Variants in NRG3 observed in about 807,000 individuals in gnomAD.
The protein encoded by NRG3 is pro-neuregulin-3, membrane-bound isoform.
Under a neutral mutation model 66.9 loss-of-function variants are expected in NRG3, and 31 were observed. The ratio of observed to expected loss-of-function variants is 0.46; its 90% CI spans 0.35 to 0.63. The LOEUF (loss-of-function observed/expected upper bound fraction) is 0.63, where lower values mean the gene tolerates loss of function less well. Among genes scored for constraint, NRG3 ranks in the 20% least tolerant of loss-of-function variants. NRG3 has a pLI of 0.00. For synonymous variants in NRG3, 393 were observed against 359.4 expected (o/e 1.09, Z -1.06); for missense variants, 910 against 878.9 (o/e 1.04, Z -0.45).
At chr10:82,965,704 C>G (rs1251309258) in intron 6 of NRG3, among the ~76,000 whole-genome samples, 1 of 152,120 alleles carries the variant, frequency 6.6e-6, no homozygotes, top group Non-Finnish European at 1.5e-5. Flanking sequence ...ACACTGCACT[C>G]CAGCCTGGGC....
intron 4 of NRG3, among the ~76,000 whole-genome samples, chr10:82,872,406 C>T (rs904822344): frequency 6.6e-6 from 1 of 152,064 alleles, no homozygotes. Flanking sequence ...CTGAAGCACA[C>T]GTCTTCTTCC....
intron 1 of NRG3, among the ~76,000 whole-genome samples, chr10:82,149,048 G>GT (rs200390784): frequency 1.6e-4 from 18 of 114,308 alleles, no homozygotes; most frequent in African/African-American, 5.8e-4. Flanking sequence ...TCACATTCCT[G>GT]TTTTTTTGTT....
At chr10:82,391,871 C>T (rs1482734574) in intron 2 of NRG3, among the ~76,000 whole-genome samples, 3 of 151,946 alleles carry the variant, frequency 2.0e-5, no homozygotes, top group Admixed American at 6.6e-5. Context: ...GCCATACAAT[C>T]TTCAGATTGT....
At chr10:82,332,699 A>T (rs935807625) in intron 1 of NRG3, among the ~76,000 whole-genome samples, 7 of 152,214 alleles carry the variant, frequency 4.6e-5, no homozygotes, top group African/African-American at 1.4e-4. Context: ...CTGGCATGAG[A>T]TCAATATCAA....
At chr10:82,854,243 A>G (rs2063702232) in intron 3 of NRG3, among the ~76,000 whole-genome samples, 1 of 152,234 alleles carries the variant, frequency 6.6e-6, no homozygotes, top group Non-Finnish European at 1.5e-5. Context: ...ACATTATTTC[A>G]GGAAATCAGG....
chr10:82,459,073 A>G (rs1228348261), intron 2 of NRG3, among the ~76,000 whole-genome samples: 2 of 152,144 alleles, frequency 1.3e-5, no homozygotes, highest in Non-Finnish European at 2.9e-5. Context: ...GCTACCAAAT[A>G]GGCCTTCTTG....
At chr10:82,931,189 T>A (rs1847544919) in intron 4 of NRG3, among the ~76,000 whole-genome samples, 1 of 152,208 alleles carries the variant, frequency 6.6e-6, no homozygotes, top group Non-Finnish European at 1.5e-5. Context: ...CCATGCCCGA[T>A]CCAATTTCCT....
intron 1 of NRG3, among the ~76,000 whole-genome samples, chr10:81,923,328 C>A (rs1361587499): frequency 6.6e-6 from 1 of 152,188 alleles, no homozygotes; most frequent in Admixed American, 6.6e-5. Flanking sequence ...GCCTCAGCCT[C>A]CCGAGTAGCT....
intron 2 of NRG3, among the ~76,000 whole-genome samples, chr10:82,516,854 A>G (rs1051513935): frequency 6.6e-6 from 1 of 152,130 alleles, no homozygotes; most frequent in African/African-American, 2.4e-5. Flanking sequence ...GGAAAAATAT[A>G]TGATGTCAAA....
intron 2 of NRG3, among the ~76,000 whole-genome samples, chr10:82,604,648 C>T (rs2047849021): frequency 1.3e-5 from 2 of 151,930 alleles, no homozygotes; most frequent in Non-Finnish European, 2.9e-5. Flanking sequence ...AAATAAGAGA[C>T]AAATAGATCA....
At chr10:82,011,673 A>G (rs2061581413) in intron 1 of NRG3, among the ~76,000 whole-genome samples, 1 of 152,182 alleles carries the variant, frequency 6.6e-6, no homozygotes, top group Admixed American at 6.5e-5. Context: ...TCCAAATGGG[A>G]GAAATTGGCC....
At chr10:82,973,389 A>G (rs1198742497) in intron 6 of NRG3, among the ~76,000 whole-genome samples, 4 of 152,194 alleles carry the variant, frequency 2.6e-5, no homozygotes, top group African/African-American at 7.2e-5. Flanking sequence ...ATGAAATTTA[A>G]TAAGTGTTGA....
chr10:81,945,072 T>C lies in NRG3; in HGVS notation c.823+68909T>C, dbSNP rs1170822802. ...CCACATCCTCTGCAGAGAGGCCTTT[T>C]GTGGCTCACCTACTTCTCAGGGCTC... On this transcript the variant is annotated intron_variant, in intron 1 of 8. Coordinates refer to ENST00000372141, the MANE Select transcript of NRG3 (RefSeq NM_001010848.4). Among the ~76,000 whole-genome samples, 3 of 152,158 alleles carry C rather than the reference T, an allele frequency of 2.0e-5. No homozygotes were observed. In the East Asian group the frequency reaches 5.8e-4, roughly 29 times the overall value.
intron 3 of NRG3, among the ~76,000 whole-genome samples, chr10:82,785,692 G>C (rs1431331898): frequency 2.0e-5 from 3 of 152,144 alleles, no homozygotes; most frequent in Admixed American, 2.0e-4. Flanking sequence ...TGTTTACAGA[G>C]CTACGTGACT....
intron 2 of NRG3, among the ~76,000 whole-genome samples, chr10:82,364,734 A>G (rs759595828): frequency 5.9e-5 from 9 of 152,258 alleles, no homozygotes; most frequent in Admixed American, 2.6e-4. Context: ...ATTTAAGCTG[A>G]ATTTGACCTG....
At chr10:82,371,611 G>T (rs2084900567) in intron 2 of NRG3, among the ~76,000 whole-genome samples, 1 of 152,044 alleles carries the variant, frequency 6.6e-6, no homozygotes, top group South Asian at 2.1e-4. Context: ...GCTCATATCT[G>T]TTTTGTGTTG....
At chr10:82,353,817 C>T (rs2083588113) in intron 1 of NRG3, among the ~76,000 whole-genome samples, 1 of 151,948 alleles carries the variant, frequency 6.6e-6, no homozygotes, top group Non-Finnish European at 1.5e-5. Flanking sequence ...TCTTCCTGTC[C>T]CTCTTTTTTT....
intron 2 of NRG3, among the ~76,000 whole-genome samples, chr10:82,455,274 A>T (rs1433614735): frequency 6.6e-6 from 1 of 152,184 alleles, no homozygotes; most frequent in East Asian, 1.9e-4. Context: ...GTGTGTACTT[A>T]AGCAAACATA....
At chr10:82,366,155 T>A (rs1031306538) in intron 2 of NRG3, among the ~76,000 whole-genome samples, 12 of 152,296 alleles carry the variant, frequency 7.9e-5, no homozygotes, top group African/African-American at 2.9e-4. Flanking sequence ...TTAATTTTTT[T>A]AAGATAGTCT....
Sources: allele counts gnomAD v4.1 joint callset (sites outside exome capture counted in the v4.1 genomes callset), GRCh38; gene constraint gnomAD v4.1.1; transcripts MANE v1.5; gene names NCBI Gene and HGNC (gene_info 2026-07-23, HGNC 2026-07-21).